The following VPS53 variants were observed in gnomAD, a reference collection of about 807,000 sequenced individuals.
The protein encoded by VPS53 is VPS53 subunit of GARP complex.
VPS53 carries 70 observed loss-of-function variants against 107.0 expected under a neutral mutation model. The observed-to-expected ratio is 0.65, with a 90% CI of 0.54 to 0.80. VPS53 has a LOEUF of 0.80. Ranked by LOEUF, VPS53 falls within the 30% of genes least tolerant of loss-of-function variation. The pLI is 0.00. For synonymous variants in VPS53, 409 were observed against 393.3 expected (o/e 1.04, Z -0.47); for missense variants, 917 against 1,049.4 (o/e 0.87, Z 1.74).
At chr17:533,510 G>A (rs982423403) in intron 18 of VPS53, among the ~76,000 whole-genome samples, 2 of 152,126 alleles carry the variant, frequency 1.3e-5, no homozygotes, top group African/African-American at 4.8e-5. Flanking sequence ...GGATTCTGGG[G>A]GCTATTTAAT....
intron 13 of VPS53, among the ~76,000 whole-genome samples, chr17:563,378 C>T (rs1486053883): frequency 6.7e-6 from 1 of 150,290 alleles, no homozygotes; most frequent in Non-Finnish European, 1.5e-5. Context: ...CCACTGCAAC[C>T]TCCATCTTCA....
intron 13 of VPS53, among the ~76,000 whole-genome samples, chr17:584,145 C>A (rs769830794): frequency 3.3e-5 from 5 of 152,248 alleles, no homozygotes; most frequent in Non-Finnish European, 7.3e-5. Context: ...GCCGCTGTTG[C>A]TCTCCCCATG....
chr17:600,978 T>C lies in VPS53; in HGVS notation c.1218+817A>G, dbSNP rs11247553. 0.49 allele frequency: 74,045 copies of C among 152,124 alleles called. 18,177 individuals are homozygous for C. Among genetic ancestry groups the C allele is most frequent in the East Asian group, 0.7 (3,642 of 5,180 alleles). The allele number at this position is 152,124 out of a possible 1,614,324, so 9.4% of individuals were successfully genotyped here. A position where few individuals can be genotyped will look rare whatever the true frequency, so the allele number is the denominator to read the frequency against. On this transcript the variant is annotated intron_variant, in intron 12 of 21. Transcript: ENST00000437048. ...GCTCTGCTCTCTTGGCTCCTGCCCT[T>C]GTGGTGCTGGGAAAGAATGAATGCA...
chr17:706,939 A>G (rs1250633203), intron 2 of VPS53, among the ~76,000 whole-genome samples: 1 of 152,038 alleles, frequency 6.6e-6, no homozygotes, highest in East Asian at 1.9e-4. Flanking sequence ...CGTCCTCCAC[A>G]TGGCTGCCAG....
intron 13 of VPS53, among the ~76,000 whole-genome samples, chr17:578,539 C>T (rs938745019): frequency 6.6e-6 from 1 of 150,916 alleles, no homozygotes; most frequent in African/African-American, 2.4e-5. Context: ...CCCAGAGATC[C>T]TCCCTCAGAA....
intron 4 of VPS53, among the ~76,000 whole-genome samples, chr17:678,366 G>A (rs1399713130): frequency 3.3e-5 from 5 of 152,032 alleles, no homozygotes; most frequent in Non-Finnish European, 2.9e-5. Flanking sequence ...AGACTGCAGT[G>A]AGCCAAGATC....
chr17:594,546 CTG>C (rs1967856330), intron 12 of VPS53, among the ~76,000 whole-genome samples: 1 of 144,950 alleles, frequency 6.9e-6, no homozygotes, highest in Non-Finnish European at 1.5e-5. Flanking sequence ...CTGGAGGAAG[CTG>C]GGAGATGGGA....
At chr17:587,995 C>T (rs1341466675) in intron 12 of VPS53, among the ~76,000 whole-genome samples, 1 of 152,168 alleles carries the variant, frequency 6.6e-6, no homozygotes, top group East Asian at 1.9e-4. Context: ...CCTCCTCCCA[C>T]CCCTGTTGTT....
chr17:604,091 C>T, intron 11 of VPS53, among the ~76,000 whole-genome samples: 1 of 152,152 alleles, frequency 6.6e-6, no homozygotes, highest in East Asian at 1.9e-4. Flanking sequence ...CTAAATGCCC[C>T]TCATCTATTG....
At chr17:598,023 C>CTTT (rs1968069611) in intron 12 of VPS53, among the ~76,000 whole-genome samples, 1 of 81,864 alleles carries the variant, frequency 1.2e-5, no homozygotes, top group Non-Finnish European at 2.7e-5. Context: ...TCATGCTGAG[C>CTTT]CGAAGCTGGA....
intron 19 of VPS53, among the ~76,000 whole-genome samples, chr17:528,841 T>C (rs902050313): frequency 6.6e-6 from 1 of 152,094 alleles, no homozygotes; most frequent in Non-Finnish European, 1.5e-5. Context: ...TCAGGTGATC[T>C]GCCTGCCTCA....
chr17:623,140 T>C (rs1364701740), intron 11 of VPS53, among the ~76,000 whole-genome samples: 5 of 152,188 alleles, frequency 3.3e-5, no homozygotes, highest in African/African-American at 4.8e-5. Flanking sequence ...CAGAGACTCA[T>C]TGACCTAGTT....
intron 4 of VPS53, among the ~76,000 whole-genome samples, chr17:691,354 G>A (rs1389158352): frequency 6.6e-6 from 1 of 152,204 alleles, no homozygotes; most frequent in African/African-American, 2.4e-5. Context: ...AGTCTGTCCT[G>A]TGGACCAACA....
intron 7 of VPS53, among the ~76,000 whole-genome samples, chr17:642,430 G>A (rs76571522): frequency 8.0e-5 from 12 of 149,792 alleles, no homozygotes; most frequent in East Asian, 2.0e-4. Flanking sequence ...CTTGGAAAGC[G>A]AGGACAACAC....
At chr17:602,509 A>G (rs570714692) in intron 11 of VPS53, among the ~76,000 whole-genome samples, 1 of 152,360 alleles carries the variant, frequency 6.6e-6, no homozygotes, top group Admixed American at 6.5e-5. Context: ...AATCTCCTTG[A>G]GAAAATCGAC....
chr17:683,330 A>G (rs1456150576), intron 4 of VPS53, among the ~76,000 whole-genome samples: 1 of 152,182 alleles, frequency 6.6e-6, no homozygotes, highest in Non-Finnish European at 1.5e-5. Flanking sequence ...TCTCAGAAAC[A>G]ATGCAAGCTA....
chr17:553,640 G>C (rs926917648), intron 15 of VPS53, among the ~76,000 whole-genome samples, 178 bp from the exon 16 acceptor site: 2 of 149,000 alleles, frequency 1.3e-5, no homozygotes, highest in Non-Finnish European at 3.0e-5. Flanking sequence ...GTGCGACCTC[G>C]GCTCACTGCA....
At position 628,217 on chromosome 17, in the gene VPS53, G is replaced by A; in HGVS notation, c.702C>T (p.Pro234=). The A allele has an allele frequency of 6.2e-7, 1 of 1,613,772 alleles. No individual in the cohort carries two copies. The highest frequency in any genetic ancestry group is 8.5e-7 in the Non-Finnish European group (1 of 1,179,918). ...PSQGTKRPGG[P]SNVLRDACLV... is the part of the protein sequence containing the mutation. Reference sequence around the variant, plus strand: ...GACATGCATCTCGTAGAACATTGCTGGGTCCTCCTGGTCTCTAGTAAAACA... The same window carrying A: ...GACATGCATCTCGTAGAACATTGCTAGGTCCTCCTGGTCTCTAGTAAAACA... The change falls in exon 9 of 22, where the codon CCC becomes CCT. Residue 234 remains proline, a synonymous_variant. Coordinates refer to ENST00000437048, the MANE Select transcript of VPS53 (RefSeq NM_001128159.3).
At position 686,018 on chromosome 17, in the gene VPS53, ACAG is replaced by A. The variant is rs756845550; in HGVS notation, c.285+11397_285+11399del. Among the ~76,000 whole-genome samples the A allele has an allele frequency of 1.3e-3, 190 of 151,884 alleles. 1 individual carries two copies. The highest frequency in any genetic ancestry group is 2.7e-3 in the Admixed American group (41 of 15,246). Reference sequence around the variant, plus strand: ...CGAGACCCTGTCTCTAAAAAAAAAAACAGAGAGAGAAGAGAATTGGCTGGTTGC... The same window carrying A: ...CGAGACCCTGTCTCTAAAAAAAAAAAAGAGAGAAGAGAATTGGCTGGTTGC... On this transcript the variant is annotated intron_variant, in intron 4 of 21. Transcript: ENST00000437048.
Sources: allele counts gnomAD v4.1 joint callset (sites outside exome capture counted in the v4.1 genomes callset), GRCh38; gene constraint gnomAD v4.1.1; transcripts MANE v1.5; gene names NCBI Gene and HGNC (gene_info 2026-07-23, HGNC 2026-07-21).